The following HHAT variants were observed in gnomAD, a reference collection of about 807,000 sequenced individuals.
HHAT encodes protein-cysteine N-palmitoyltransferase HHAT.
A neutral mutation model predicts 70.8 loss-of-function variants in HHAT; 47 were observed. The observed-to-expected ratio is 0.66, with a 90% confidence interval of 0.53 to 0.85. The LOEUF (loss-of-function observed/expected upper bound fraction) is 0.85. Among genes scored for constraint, HHAT ranks in the 40% least tolerant of loss-of-function variants. The pLI is 0.00. For missense variants in HHAT, 609 were observed against 604.8 expected (o/e 1.01, Z -0.07); for synonymous variants, 228 against 247.6 (o/e 0.92, Z 0.74).
intron 10 of HHAT, among the ~76,000 whole-genome samples, chr1:210,601,010 A>C (rs1199472272): frequency 6.6e-6 from 1 of 152,064 alleles, no homozygotes. Context: ...ATTTCTATTT[A>C]TACACTTAAT....
chr1:210,621,145 A>T (rs1668737510), intron 10 of HHAT, among the ~76,000 whole-genome samples: 1 of 152,108 alleles, frequency 6.6e-6, no homozygotes, highest in African/African-American at 2.4e-5. Flanking sequence ...CCAGGCAAAG[A>T]GAGTCTTCCT....
intron 7 of HHAT, among the ~76,000 whole-genome samples, chr1:210,457,684 C>T (rs2093898354): frequency 6.6e-6 from 1 of 152,208 alleles, no homozygotes; most frequent in South Asian, 2.1e-4. Context: ...CAAGACACAA[C>T]TGGATTCTTT....
At chr1:210,584,989 A>G (rs1006076691) in intron 9 of HHAT, among the ~76,000 whole-genome samples, 12 of 152,232 alleles carry the variant, frequency 7.9e-5, no homozygotes, top group African/African-American at 2.9e-4. Flanking sequence ...TTGATTGTCA[A>G]GATGGTCCTG....
At chr1:210,357,778 C>T (rs774590967) in intron 2 of HHAT, among the ~76,000 whole-genome samples, 31 of 152,158 alleles carry the variant, frequency 2.0e-4, no homozygotes, top group Non-Finnish European at 1.0e-4. Flanking sequence ...CGAGTTCGCA[C>T]CACTGCACTC....
intron 2 of HHAT, among the ~76,000 whole-genome samples, chr1:210,359,853 C>T (rs991629714): frequency 6.6e-6 from 1 of 150,966 alleles, no homozygotes; most frequent in Non-Finnish European, 1.5e-5. Flanking sequence ...GGCGACAGAG[C>T]GAGACTTCTG....
intron 11 of HHAT, among the ~76,000 whole-genome samples, chr1:210,655,093 G>A (rs1676102021): frequency 6.6e-6 from 1 of 152,178 alleles, no homozygotes; most frequent in Non-Finnish European, 1.5e-5. Flanking sequence ...GTGCTCTGAG[G>A]TCACAAACAT....
intron 7 of HHAT, among the ~76,000 whole-genome samples, chr1:210,456,952 C>G (rs1455850123): frequency 6.6e-6 from 1 of 152,186 alleles, no homozygotes. Flanking sequence ...GGCAGCTGTT[C>G]CTCAGTTCTG....
chr1:210,390,211 C>G (rs1175868558), intron 4 of HHAT, among the ~76,000 whole-genome samples: 2 of 152,044 alleles, frequency 1.3e-5, no homozygotes, highest in South Asian at 4.2e-4. Context: ...AAACAGAGCT[C>G]AGAGAGGCTC....
intron 2 of HHAT, among the ~76,000 whole-genome samples, chr1:210,354,214 T>A (rs2147992822): frequency 1.2e-5 from 1 of 81,074 alleles, no homozygotes; most frequent in South Asian, 5.2e-4. Flanking sequence ...TTTTTTTTTT[T>A]TTTTTTTTGA....
At chr1:210,560,065 C>T (rs17016444) in intron 9 of HHAT, among the ~76,000 whole-genome samples, 9,071 of 152,140 alleles carry the variant, frequency 0.06, 864 homozygotes, top group African/African-American at 0.2. Context: ...TGTCACTTGG[C>T]AAAGTTTTCC....
At chr1:210,472,852 A>G (rs6540595) in intron 8 of HHAT, among the ~76,000 whole-genome samples, 122,778 of 152,118 alleles carry the variant, frequency 0.81, 49,699 homozygotes, top group South Asian at 0.86. Context: ...TCATAGGTGG[A>G]TTTCAAGATT....
rs114862196 is a variant in HHAT at position 210,332,380 on chromosome 1, C to T, written c.-44+3276C>T. Among the ~76,000 whole-genome samples the T allele has an allele frequency of 4.6e-3, 702 of 152,358 alleles. 5 individuals carry two copies. The highest frequency in any genetic ancestry group is 6.7e-3 in the Non-Finnish European group (458 of 68,036). ...GTATATCCTCCTGAAAACTGTATCA[C>T]AAAAAAACAAGCATTGTTGCCTTGT... On this transcript the variant is annotated intron_variant, in intron 1 of 11. Coordinates refer to ENST00000261458, the MANE Select transcript of HHAT (RefSeq NM_018194.6).
intron 11 of HHAT, among the ~76,000 whole-genome samples, chr1:210,661,262 C>G (rs896129094): frequency 6.6e-6 from 1 of 152,174 alleles, no homozygotes; most frequent in Non-Finnish European, 1.5e-5. Flanking sequence ...AGGATAGGAA[C>G]AGACACTTCT....
chr1:210,404,120 A>T (rs1246951966), intron 5 of HHAT, among the ~76,000 whole-genome samples: 1 of 152,176 alleles, frequency 6.6e-6, no homozygotes, highest in African/African-American at 2.4e-5. Flanking sequence ...TATCCACTGG[A>T]TGTAGCTAAT....
chr1:210,345,159 G>C (rs2086405626), intron 1 of HHAT, among the ~76,000 whole-genome samples: 1 of 152,112 alleles, frequency 6.6e-6, no homozygotes, highest in Admixed American at 6.5e-5. Context: ...GAGTGTGGGG[G>C]AGTGAGTATG....
chr1:210,529,759 G>A (rs766553582), intron 9 of HHAT, among the ~76,000 whole-genome samples: 12 of 152,178 alleles, frequency 7.9e-5, no homozygotes, highest in African/African-American at 1.7e-4. Flanking sequence ...CACCACAGGC[G>A]TCTGCTGTAC....
chr1:210,380,969 A>G (rs1273401935), intron 3 of HHAT, among the ~76,000 whole-genome samples: 1 of 152,110 alleles, frequency 6.6e-6, no homozygotes, highest in East Asian at 1.9e-4. Context: ...GCACATGAAG[A>G]ATATTAAGTG....
At chr1:210,442,611 G>C (rs1184094525) in intron 7 of HHAT, among the ~76,000 whole-genome samples, 5 of 152,140 alleles carry the variant, frequency 3.3e-5, no homozygotes, top group Non-Finnish European at 4.4e-5. Context: ...GTGATGATGA[G>C]CATTTTTTCA....
At chr1:210,331,582 G>T (rs188229684) in intron 1 of HHAT, among the ~76,000 whole-genome samples, 2 of 152,248 alleles carry the variant, frequency 1.3e-5, no homozygotes, top group East Asian at 3.9e-4. Context: ...TCCCAGTTCG[G>T]GTGTCTTTTG....
Sources: allele counts gnomAD v4.1 joint callset (sites outside exome capture counted in the v4.1 genomes callset), GRCh38; gene constraint gnomAD v4.1.1; transcripts MANE v1.5; gene names NCBI Gene and HGNC (gene_info 2026-07-23, HGNC 2026-07-21).